The following STXBP4 variants were observed in gnomAD, a reference collection of about 807,000 sequenced individuals.
The protein encoded by STXBP4 is syntaxin binding protein 4, also known as syntaxin-binding protein 4.
A neutral mutation model predicts 76.1 loss-of-function variants in STXBP4; 55 were observed. The ratio of observed to expected loss-of-function variants is 0.72; its 90% confidence interval spans 0.58 to 0.91. STXBP4 has a LOEUF of 0.91. Among genes scored for constraint, STXBP4 ranks in the 40% least tolerant of loss-of-function variants. STXBP4 has a pLI of 0.00. For synonymous variants in STXBP4, 201 were observed against 220.2 expected (o/e 0.91, Z 0.77); for missense variants, 618 against 636.9 (o/e 0.97, Z 0.32).
intron 16 of STXBP4, among the ~76,000 whole-genome samples, chr17:55,130,523 T>C (rs991549580): frequency 1.3e-5 from 2 of 152,196 alleles, no homozygotes; most frequent in Non-Finnish European, 2.9e-5. Context: ...TATTTCTTTG[T>C]GGTAGAACAT....
At chr17:55,136,971 C>T (rs244313) in intron 16 of STXBP4, among the ~76,000 whole-genome samples, 96,943 of 151,952 alleles carry the variant, frequency 0.64, 31,793 homozygotes, top group African/African-American at 0.79. Flanking sequence ...GGTCTCCTTT[C>T]GTATATCATT....
At chr17:55,021,624 C>T (rs1012603135) in intron 8 of STXBP4, among the ~76,000 whole-genome samples, 4 of 152,040 alleles carry the variant, frequency 2.6e-5, no homozygotes. Context: ...TGGTATCACT[C>T]CCTCTCCTAA....
At chr17:55,083,865 T>C (rs986988366) in intron 16 of STXBP4, among the ~76,000 whole-genome samples, 2 of 152,176 alleles carry the variant, frequency 1.3e-5, no homozygotes, top group Admixed American at 1.3e-4. Context: ...GCTTTCACCA[T>C]ATTCTATTCA....
In STXBP4 at chr17:54,976,934, C is replaced by T. The variant is rs981632672; in HGVS notation, c.-157+8119C>T. Among the ~76,000 whole-genome samples, 3 of 152,150 alleles carry T rather than the reference C, an allele frequency of 2.0e-5. No homozygotes were observed. In the South Asian group the frequency reaches 6.2e-4, roughly 32 times the overall value. ...CCTGTTGACCAACTCCTCTTCCTTA[C>T]CCCTCCCTAATTCCTGTTTTCCCAC... On this transcript the variant is annotated intron_variant, in intron 1 of 17. Transcript: ENST00000376352.
intron 16 of STXBP4, among the ~76,000 whole-genome samples, chr17:55,106,910 G>A (rs948340350): frequency 2.0e-5 from 3 of 152,146 alleles, no homozygotes; most frequent in Non-Finnish European, 4.4e-5. Flanking sequence ...ACAATTATGT[G>A]TCTTGGGGTT....
At chr17:55,045,135 A>G (rs998328916) in intron 11 of STXBP4, among the ~76,000 whole-genome samples, 1 of 152,142 alleles carries the variant, frequency 6.6e-6, no homozygotes, top group Non-Finnish European at 1.5e-5. Context: ...AAAATTTTGC[A>G]TATGTTACCA....
chr17:55,000,285 A>G, intron 6 of STXBP4: 3 of 984,916 alleles, frequency 3.0e-6, no homozygotes, highest in African/African-American at 3.5e-5. Context: ...TCATGTGTGC[A>G]TGCTATAGTT....
At chr17:55,047,038 C>T in intron 11 of STXBP4, 51 bp from the exon 12 acceptor site, 1 of 1,136,824 alleles carries the variant, frequency 8.8e-7, no homozygotes, top group Non-Finnish European at 1.3e-6. Context: ...AGAAGTCACA[C>T]TTGTTAATAC....
chr17:55,137,935 G>T (rs960185856), intron 16 of STXBP4, among the ~76,000 whole-genome samples: 1 of 152,024 alleles, frequency 6.6e-6, no homozygotes, highest in African/African-American at 2.4e-5. Context: ...GATGAACATG[G>T]TATCTCATAA....
chr17:55,172,358 T>G lies in STXBP4; in HGVS notation c.*12447T>G, dbSNP rs2080411401. On this transcript the variant is annotated 3_prime_UTR_variant, in exon 18 of 18. Coordinates refer to ENST00000376352, the MANE Select transcript of STXBP4 (RefSeq NM_178509.6). ...CTGTGTTTTAAGGATTCTAGGTGAT[T>G]TCAATGTGTAGCCAAGGTTCACTGC... 1 of 152,224 alleles carries G rather than the reference T, an allele frequency of 6.6e-6. No individual in the cohort carries two copies. The highest frequency in any genetic ancestry group is 1.5e-5 in the Non-Finnish European group (1 of 68,030). The allele number at this position is 152,224 out of a possible 1,614,324, so 9.4% of individuals were successfully genotyped here.
intron 17 of STXBP4, among the ~76,000 whole-genome samples, chr17:55,141,645 G>A (rs1169700397): frequency 6.6e-6 from 1 of 151,866 alleles, no homozygotes; most frequent in Non-Finnish European, 1.5e-5. Flanking sequence ...TCACTTGCTG[G>A]CTAATAGTAT....
At chr17:55,050,742 A>G (rs2078849070) in intron 12 of STXBP4, among the ~76,000 whole-genome samples, 1 of 152,170 alleles carries the variant, frequency 6.6e-6, no homozygotes, top group Non-Finnish European at 1.5e-5. Context: ...ATCTCAGCTC[A>G]CTGCAACCTC....
At chr17:55,041,884 C>T (rs1671515700) in intron 10 of STXBP4, among the ~76,000 whole-genome samples, 1 of 152,132 alleles carries the variant, frequency 6.6e-6, no homozygotes, top group Non-Finnish European at 1.5e-5. Context: ...TGTTAATATC[C>T]TTTGGAACAC....
intron 16 of STXBP4, among the ~76,000 whole-genome samples, chr17:55,140,265 G>T (rs1269967543): frequency 6.6e-6 from 1 of 152,092 alleles, no homozygotes; most frequent in Admixed American, 6.5e-5. Context: ...CTATAATTGT[G>T]CTACTGCACT....
chr17:55,007,628 A>G lies in STXBP4; in HGVS notation c.666+31A>G, dbSNP rs576345849. On this transcript the variant is annotated intron_variant, in intron 8 of 17. Coordinates refer to ENST00000376352, the MANE Select transcript of STXBP4 (RefSeq NM_178509.6). ...ACCTTTAAATTTTCATTTTTCTTCC[A>G]TAAGACAAAAACAGGAAAGAAGTAT... 24 of 1,534,904 alleles carry G rather than the reference A, an allele frequency of 1.6e-5. 1 individual carries two copies. The African/African-American group carries it at 2.3e-4, about 15-fold the overall frequency.
the STXBP4 span, among the ~76,000 whole-genome samples, chr17:55,181,863 C>T: frequency 0.018 from 2,761 of 152,082 alleles, 77 homozygotes; most frequent in African/African-American, 0.062. Flanking sequence ...GTTAAAGAGA[C>T]AAAAGTAGGA....
At chr17:55,090,873 G>C (rs918856613) in intron 16 of STXBP4, among the ~76,000 whole-genome samples, 1 of 151,360 alleles carries the variant, frequency 6.6e-6, no homozygotes, top group Non-Finnish European at 1.5e-5. Context: ...GTGTGTGTGT[G>C]TGTGTGTGTG....
chr17:55,155,602 A>G (rs374655544), intron 17 of STXBP4, among the ~76,000 whole-genome samples: 2 of 151,938 alleles, frequency 1.3e-5, no homozygotes, highest in East Asian at 3.9e-4. Context: ...AGTATATGCA[A>G]ATTCACAATG....
chr17:55,028,355 A>G (rs2078450742), intron 8 of STXBP4, among the ~76,000 whole-genome samples: 2 of 152,184 alleles, frequency 1.3e-5, no homozygotes, highest in Admixed American at 6.5e-5. Flanking sequence ...AAAGCATGCA[A>G]TATTTGTAAA....
Sources: allele counts gnomAD v4.1 joint callset (sites outside exome capture counted in the v4.1 genomes callset), GRCh38; gene constraint gnomAD v4.1.1; transcripts MANE v1.5; gene names NCBI Gene and HGNC (gene_info 2026-07-23, HGNC 2026-07-21).